Variants in PPP6R3 observed in about 807,000 individuals in gnomAD.
PPP6R3 encodes protein phosphatase 6 regulatory subunit 3.
PPP6R3 carries 38 observed loss-of-function variants against 110.7 expected under a neutral mutation model. The observed-to-expected ratio is 0.34, with a 90% confidence interval of 0.26 to 0.45. The LOEUF (loss-of-function observed/expected upper bound fraction) is 0.45. PPP6R3 is among the 20% of genes least tolerant of loss of function. PPP6R3 has a pLI of 1.00. For missense variants in PPP6R3, 870 were observed against 1,062.4 expected (o/e 0.82, Z 2.52); for synonymous variants, 369 against 373.5 (o/e 0.99, Z 0.14).
chr11:68,486,031 A>G (rs2098944883), intron 1 of PPP6R3, among the ~76,000 whole-genome samples: 2 of 149,796 alleles, frequency 1.3e-5, no homozygotes, highest in Admixed American at 6.7e-5. Context: ...AAAAAAAAAA[A>G]GCTACACCTA....
In PPP6R3 at chr11:68,515,791, T is replaced by G. The variant is rs530724283; in HGVS notation, c.-157-3710T>G. 7.0e-4 allele frequency among the ~76,000 whole-genome samples: 106 copies of G among 152,326 alleles called. 1 individual carries two copies. In the South Asian group the frequency reaches 0.021, roughly 29 times the overall value. The stretch of plus-strand genomic sequence containing the variant: ...CTCCAAATATAACCATGCTGGGAGT[T>G]AGGACTTCAACATATGAGTGGAAGA... On this transcript the variant is annotated intron_variant, in intron 1 of 23. Coordinates refer to ENST00000393800, the MANE Select transcript of PPP6R3 (RefSeq NM_001164161.2).
At chr11:68,476,918 C>G (rs2098836839) in intron 1 of PPP6R3, among the ~76,000 whole-genome samples, 1 of 151,334 alleles carries the variant, frequency 6.6e-6, no homozygotes, top group Admixed American at 6.6e-5. Flanking sequence ...CACAGCTACT[C>G]AGGTGGCTGA....
chr11:68,538,773 T>C (rs955596768), intron 3 of PPP6R3, among the ~76,000 whole-genome samples: 1 of 152,248 alleles, frequency 6.6e-6, no homozygotes. Context: ...ACCATTAACA[T>C]TGACACTTTG....
At chr11:68,462,825 GC>G (rs781642970) in intron 1 of PPP6R3, among the ~76,000 whole-genome samples, 3 of 152,144 alleles carry the variant, frequency 2.0e-5, no homozygotes, top group African/African-American at 4.8e-5. Flanking sequence ...GACTTGGTTT[GC>G]TGTATTGGAG....
chr11:68,515,010 G>A (rs191183193), intron 1 of PPP6R3: 21 of 152,196 alleles, frequency 1.4e-4, no homozygotes, highest in African/African-American at 5.1e-4. Context: ...TTAGACTTTA[G>A]GGCTTTTGAT....
chr11:68,540,597 G>C (rs1236140352), intron 3 of PPP6R3, among the ~76,000 whole-genome samples: 2 of 152,122 alleles, frequency 1.3e-5, no homozygotes, highest in Non-Finnish European at 2.9e-5. Flanking sequence ...AATTTGTTAG[G>C]CGGGAAGTTC....
chr11:68,596,984 C>T (rs1261238284), intron 19 of PPP6R3, among the ~76,000 whole-genome samples: 3 of 152,136 alleles, frequency 2.0e-5, no homozygotes, highest in African/African-American at 7.2e-5. Flanking sequence ...GATAAGGAAA[C>T]GGGATGGGAG....
chr11:68,584,183 G>A (rs1451338102), intron 15 of PPP6R3, among the ~76,000 whole-genome samples: 1 of 152,248 alleles, frequency 6.6e-6, no homozygotes, highest in Non-Finnish European at 1.5e-5. Flanking sequence ...GGGTCAGGAA[G>A]TAGCCAGTCC....
rs191766088 is a variant in PPP6R3 at position 68,517,445 on chromosome 11, C to T, written c.-157-2056C>T. On this transcript the variant is annotated intron_variant, in intron 1 of 23. Coordinates refer to ENST00000393800, the MANE Select transcript of PPP6R3 (RefSeq NM_001164161.2). ...GCTCTAAGACCTTCATTTTAAATTA[C>T]ATCCCCCACTAAAAGGAACCAAGAC... Among the ~76,000 whole-genome samples, 33 of 152,298 alleles carry T rather than the reference C, an allele frequency of 2.2e-4. No homozygotes were observed. In the East Asian group the frequency reaches 5.4e-3, roughly 25 times the overall value.
At chr11:68,493,492 G>C (rs2098996117) in intron 1 of PPP6R3, among the ~76,000 whole-genome samples, 1 of 151,198 alleles carries the variant, frequency 6.6e-6, no homozygotes, top group South Asian at 2.1e-4. Context: ...GTGTGCAATG[G>C]TACGATCATA....
intron 2 of PPP6R3, among the ~76,000 whole-genome samples, chr11:68,520,930 C>G (rs1268001832): frequency 6.6e-6 from 1 of 152,104 alleles, no homozygotes; most frequent in African/African-American, 2.4e-5. Context: ...CACCACCACG[C>G]CCGGCTAATT....
At chr11:68,514,880 T>C (rs1425312314) in intron 1 of PPP6R3, 3 of 152,272 alleles carry the variant, frequency 2.0e-5, no homozygotes, top group Non-Finnish European at 4.4e-5. Flanking sequence ...CCACCATGCC[T>C]GGCCTGAAAT....
intron 1 of PPP6R3, among the ~76,000 whole-genome samples, chr11:68,489,825 C>T (rs7126340): frequency 0.26 from 38,600 of 151,330 alleles, 5,157 homozygotes; most frequent in Middle Eastern, 0.33. Flanking sequence ...TGCTTTTTTG[C>T]GATAGTCTGG....
chr11:68,574,036 C>T (rs2099520824), intron 12 of PPP6R3, 73 bp from the exon 13 acceptor site: 23 of 1,043,748 alleles, frequency 2.2e-5, no homozygotes, highest in Non-Finnish European at 3.1e-5. Context: ...TTTAAAAGTC[C>T]GCAGTATTTA....
Position 68,480,991 on chromosome 11 carries a change from A to G in PPP6R3, c.-158+20164A>G, listed in dbSNP as rs535132405. On this transcript the variant is annotated intron_variant, in intron 1 of 23. Coordinates refer to ENST00000393800, the MANE Select transcript of PPP6R3 (RefSeq NM_001164161.2). ...CATTTGCTTGCTAGAAAATGTTAAC[A>G]TTGACTCCAGCCAAGTACAGAACAT... 3.3e-5 allele frequency among the ~76,000 whole-genome samples: 5 copies of G among 152,282 alleles called. No homozygotes were observed. The East Asian group carries it at 9.6e-4, about 29-fold the overall frequency.
intron 8 of PPP6R3, among the ~76,000 whole-genome samples, chr11:68,559,994 C>T (rs998927095): frequency 2.8e-5 from 4 of 143,162 alleles, no homozygotes; most frequent in African/African-American, 7.8e-5. Context: ...CCCACCCCAG[C>T]AGTACAGTAC....
At chr11:68,577,374 T>G in intron 14 of PPP6R3, among the ~76,000 whole-genome samples, 1 of 152,242 alleles carries the variant, frequency 6.6e-6, no homozygotes, top group South Asian at 2.1e-4. Flanking sequence ...GGTTCCCACG[T>G]TGATTCCTTT....
intron 2 of PPP6R3, among the ~76,000 whole-genome samples, chr11:68,523,300 G>A (rs1471286504): frequency 1.3e-5 from 2 of 152,060 alleles, no homozygotes; most frequent in African/African-American, 4.8e-5. Context: ...GACCTTCTCC[G>A]TAACTGCTGG....
intron 7 of PPP6R3, 135 bp downstream of exon 7, chr11:68,554,392 A>G: frequency 5.3e-6 from 3 of 565,312 alleles, no homozygotes; most frequent in South Asian, 3.2e-5. Context: ...GTGAGAAGGT[A>G]GGGAAACCTG....
Sources: allele counts gnomAD v4.1 joint callset (sites outside exome capture counted in the v4.1 genomes callset), GRCh38; gene constraint gnomAD v4.1.1; transcripts MANE v1.5; gene names NCBI Gene and HGNC (gene_info 2026-07-23, HGNC 2026-07-21).